Variants in LHFPL3 observed in about 807,000 individuals in gnomAD.
LHFPL3 encodes LHFPL tetraspan subfamily member 3, also known as LHFPL tetraspan subfamily member 3 protein.
In LHFPL3, 5 loss-of-function variants were observed where a neutral mutation model predicts 19.3. The ratio of observed to expected loss-of-function variants is 0.26; its 90% CI spans 0.14 to 0.54. The LOEUF is 0.54. Among genes scored for constraint, LHFPL3 ranks in the 20% least tolerant of loss-of-function variants. The probability of loss-of-function intolerance (pLI) is 0.94; values close to 1 mark genes in which losing one functional copy is unlikely to be tolerated. For synonymous variants in LHFPL3, 133 were observed against 126.2 expected, an observed-to-expected ratio of 1.05 and a Z score of -0.36; for missense variants, 249 against 307.4, an observed-to-expected ratio of 0.81 and a Z score of 1.42.
At chr7:104,506,728 G>A (rs1179585575) in intron 1 of LHFPL3, among the ~76,000 whole-genome samples, 1 of 152,178 alleles carries the variant, frequency 6.6e-6, no homozygotes, top group Non-Finnish European at 1.5e-5. Flanking sequence ...TCAAACATTT[G>A]GTCATGGAAC....
At chr7:104,630,646 C>A (rs2891730) in intron 1 of LHFPL3, among the ~76,000 whole-genome samples, 1 of 151,910 alleles carries the variant, frequency 6.6e-6, no homozygotes, top group African/African-American at 2.4e-5. Context: ...ATTTACTTAC[C>A]TGATCTTTAC....
intron 1 of LHFPL3, among the ~76,000 whole-genome samples, chr7:104,503,151 A>G (rs148271246): frequency 6.6e-6 from 1 of 152,092 alleles, no homozygotes; most frequent in Non-Finnish European, 1.5e-5. Context: ...CTAATAGGGC[A>G]TTGGTTAAAT....
chr7:104,772,118 C>T (rs1306546481), intron 2 of LHFPL3, among the ~76,000 whole-genome samples: 1 of 152,036 alleles, frequency 6.6e-6, no homozygotes, highest in African/African-American at 2.4e-5. Flanking sequence ...ACGCCCGGCC[C>T]TTTTGCCTCA....
chr7:104,545,588 GA>G (rs1794563551), intron 1 of LHFPL3, among the ~76,000 whole-genome samples: 2 of 152,214 alleles, frequency 1.3e-5, no homozygotes, highest in Admixed American at 1.3e-4. Flanking sequence ...TCCTCCAGGT[GA>G]GTTTGTTCTG....
chr7:104,492,453 C>T (rs1308464988), intron 1 of LHFPL3, among the ~76,000 whole-genome samples: 1 of 152,186 alleles, frequency 6.6e-6, no homozygotes, highest in Non-Finnish European at 1.5e-5. Flanking sequence ...AGACCCGGGA[C>T]CATGTTGCAT....
At chr7:104,414,456 T>C (rs2116519073) in intron 1 of LHFPL3, among the ~76,000 whole-genome samples, 1 of 152,342 alleles carries the variant, frequency 6.6e-6, no homozygotes, top group African/African-American at 2.4e-5. Context: ...GAGCAACACG[T>C]GATTGCGCCC....
At chr7:104,663,273 GA>G (rs1469102111) in intron 1 of LHFPL3, among the ~76,000 whole-genome samples, 1 of 152,112 alleles carries the variant, frequency 6.6e-6, no homozygotes, top group East Asian at 1.9e-4. Flanking sequence ...CCCTGAAAAA[GA>G]AAACACAACA....
intron 1 of LHFPL3, among the ~76,000 whole-genome samples, chr7:104,692,305 T>C (rs1311102521): frequency 6.6e-6 from 1 of 152,232 alleles, no homozygotes; most frequent in East Asian, 1.9e-4. Context: ...AAATTTAAGA[T>C]TGCTGCAGAA....
intron 1 of LHFPL3, among the ~76,000 whole-genome samples, chr7:104,666,227 T>C (rs1384266351): frequency 6.6e-6 from 1 of 152,062 alleles, no homozygotes; most frequent in Non-Finnish European, 1.5e-5. Context: ...ATACAATATA[T>C]TGTTGTTAAC....
At chr7:104,409,269 C>T (rs1382251253) in intron 1 of LHFPL3, among the ~76,000 whole-genome samples, 1 of 151,526 alleles carries the variant, frequency 6.6e-6, no homozygotes, top group East Asian at 1.9e-4. Context: ...GTGGCCTTCC[C>T]ACATCTTGAA....
At chr7:104,732,393 A>C (rs1403132510) in intron 1 of LHFPL3, among the ~76,000 whole-genome samples, 1 of 152,166 alleles carries the variant, frequency 6.6e-6, no homozygotes, top group African/African-American at 2.4e-5. Flanking sequence ...TTATTGCCTC[A>C]ATGACAGAGC....
chr7:104,479,535 G>A (rs1314419892), intron 1 of LHFPL3, among the ~76,000 whole-genome samples: 2 of 152,058 alleles, frequency 1.3e-5, no homozygotes, highest in Non-Finnish European at 2.9e-5. Flanking sequence ...GGGATTACAG[G>A]TGCCCACCAC....
rs530283517 is a variant in LHFPL3 at position 104,702,190 on chromosome 7, G to C, written c.446-34485G>C. Among the ~76,000 whole-genome samples, 4 of 152,224 alleles carry C rather than the reference G, an allele frequency of 2.6e-5. No homozygotes were observed. The South Asian group carries it at 6.2e-4, about 24-fold the overall frequency. ...GATTTCCAGCTTCATCCATGTCCCTGTAAGGGACATGAACTCATTGTTCTG... is the reference window on the plus strand; with the variant it reads ...GATTTCCAGCTTCATCCATGTCCCTCTAAGGGACATGAACTCATTGTTCTG... On this transcript the variant is annotated intron_variant, in intron 1 of 2. Coordinates refer to ENST00000424859, the MANE Select transcript of LHFPL3 (RefSeq NM_199000.3).
At chr7:104,793,050 C>T (rs559580258) in intron 2 of LHFPL3, among the ~76,000 whole-genome samples, 1 of 152,290 alleles carries the variant, frequency 6.6e-6, no homozygotes, top group South Asian at 2.1e-4. Context: ...CACCTGCCAC[C>T]ACACCCAGCT....
At position 104,736,893 on chromosome 7, in the gene LHFPL3, C is replaced by T. The variant is rs746179918; in HGVS notation, c.664C>T (p.Leu222=). The T allele has an allele frequency of 1.2e-6, 2 of 1,604,984 alleles. No homozygotes were observed. The highest frequency in any genetic ancestry group is 1.1e-5 in the South Asian group (1 of 89,376). ...ACAAGACAGCTTGATGGCAGAGGAA[C>T]TGAAGGCAGAAAACAAAGGTAAGAT... The part of the protein sequence containing the change: ...NRQDSLMAEE[L]KAENKVLLSQ... The change falls in exon 2 of 3, where the codon CTG becomes TTG. Residue 222 remains leucine (L), a synonymous_variant. Coordinates refer to ENST00000424859, the MANE Select transcript of LHFPL3 (RefSeq NM_199000.3).
chr7:104,404,267 A>T (rs974014352), intron 1 of LHFPL3, among the ~76,000 whole-genome samples: 2 of 152,214 alleles, frequency 1.3e-5, no homozygotes, highest in Middle Eastern at 3.2e-3. Context: ...CCTACTTCCT[A>T]TAACAGATAT....
At chr7:104,778,792 T>C (rs1486089525) in intron 2 of LHFPL3, among the ~76,000 whole-genome samples, 3 of 152,232 alleles carry the variant, frequency 2.0e-5, no homozygotes, top group South Asian at 2.1e-4. Context: ...CACACTGTCA[T>C]AGTCAGCAAC....
rs143747350 is a variant in LHFPL3, at chr7:104,723,338, C to G, written c.446-13337C>G. 7.6e-3 allele frequency among the ~76,000 whole-genome samples: 1,154 copies of G among 152,288 alleles called. 6 individuals are homozygous for G. Among genetic ancestry groups the G allele is most frequent in the Non-Finnish European group, 0.012 (835 of 68,010 alleles). ...CACAAAGAAGCTTTTGTTGTTTACT[C>G]TGTGTCAGAAGATATCATGGCATGG... On this transcript the variant is annotated intron_variant, in intron 1 of 2. Coordinates refer to ENST00000424859, the MANE Select transcript of LHFPL3 (RefSeq NM_199000.3).
intron 1 of LHFPL3, among the ~76,000 whole-genome samples, chr7:104,532,065 C>T (rs1350115733): frequency 1.3e-5 from 2 of 152,146 alleles, no homozygotes; most frequent in Non-Finnish European, 2.9e-5. Flanking sequence ...CAAAGGACTA[C>T]ACACTTCTTT....
Sources: gnomAD v4.1 joint callset for allele counts (sites outside exome capture counted in the v4.1 genomes callset) on GRCh38, gnomAD v4.1.1 for gene constraint, MANE v1.5 for transcripts, NCBI Gene and HGNC (gene_info 2026-07-23, HGNC 2026-07-21) for gene names.